Variants in ZBTB16 observed in about 807,000 individuals in gnomAD.
ZBTB16 encodes zinc finger and BTB domain containing 16, also known as zinc finger and BTB domain-containing protein 16.
A neutral mutation model predicts 56.8 loss-of-function variants in ZBTB16; 8 were observed. The observed-to-expected ratio is 0.14, with a 90% CI of 0.08 to 0.25. The LOEUF is 0.25. ZBTB16 is among the 10% of genes least tolerant of loss of function. ZBTB16 has a pLI of 1.00. For synonymous variants in ZBTB16, 363 were observed against 368.5 expected, an observed-to-expected ratio of 0.98 and a Z score of 0.17; for missense variants, 625 against 903.0, an observed-to-expected ratio of 0.69 and a Z score of 3.95.
intron 4 of ZBTB16, among the ~76,000 whole-genome samples, chr11:114,222,565 T>C (rs370838121): frequency 1.3e-4 from 20 of 152,240 alleles, no homozygotes; most frequent in Middle Eastern, 3.4e-3. Flanking sequence ...CGAGGACACC[T>C]GGCATTGTAT....
chr11:114,080,313 A>G (rs567525800), intron 2 of ZBTB16, among the ~76,000 whole-genome samples: 3 of 152,220 alleles, frequency 2.0e-5, no homozygotes, highest in East Asian at 1.9e-4. Flanking sequence ...TTTCCTCTCC[A>G]TTGAACCAAC....
chr11:114,201,654 A>T (rs1229913548), intron 4 of ZBTB16, among the ~76,000 whole-genome samples: 1 of 152,218 alleles, frequency 6.6e-6, no homozygotes, highest in Admixed American at 6.5e-5. Context: ...GATGTCCATG[A>T]TGTTTTGCAT....
intron 2 of ZBTB16, among the ~76,000 whole-genome samples, chr11:114,114,495 G>A (rs1565632512): frequency 6.6e-6 from 1 of 152,202 alleles, no homozygotes; most frequent in Non-Finnish European, 1.5e-5. Context: ...GGAGATGACT[G>A]AAGGCATAGT....
At chr11:114,082,116 C>A (rs115748049) in intron 2 of ZBTB16, among the ~76,000 whole-genome samples, 97,305 of 138,350 alleles carry the variant, frequency 0.7, 33,929 homozygotes, top group South Asian at 0.8. Context: ...ACGATCTTTA[C>A]AAAAAAAAAA....
At chr11:114,235,716 C>G (rs1285823887) in intron 4 of ZBTB16, among the ~76,000 whole-genome samples, 5 of 106,404 alleles carry the variant, frequency 4.7e-5, no homozygotes, top group Admixed American at 3.2e-4. Context: ...TTCTTTCTTT[C>G]TTTTTCTTTC....
intron 4 of ZBTB16, among the ~76,000 whole-genome samples, chr11:114,198,655 C>A (rs578070259): frequency 6.6e-6 from 1 of 152,206 alleles, no homozygotes; most frequent in Non-Finnish European, 1.5e-5. Flanking sequence ...ACTGTACCCC[C>A]GTCCTCACAC....
chr11:114,064,571 A>G lies in ZBTB16; in HGVS notation c.1268+3A>G, dbSNP rs1245809282. On this transcript the variant is annotated splice_donor_region_variant and intron_variant, in intron 2 of 6. Coordinates refer to ENST00000335953, the MANE Select transcript of ZBTB16 (RefSeq NM_006006.6). The surrounding 1 kb of genome is among the most constrained non-coding windows in gnomAD (Gnocchi z 4.2). ...AACGAGGCTGTGGAGCAGCACAGGT[A>G]GGCCCCGCTCCAGCCCCGCACCTGA... 1 of 1,613,516 alleles carries G rather than the reference A, an allele frequency of 6.2e-7. No individual in the cohort carries two copies. Among genetic ancestry groups the G allele is most frequent in the East Asian group, 2.2e-5 (1 of 44,876 alleles).
Position 114,064,094 on chromosome 11 carries a change from C to G in ZBTB16, c.794C>G (p.Ser265Ter). ...DSPGAAESSI[S>*]GGMGDKVEER... ...CCTGGGGCAGCCGAGTCCAGCATCT[C>G]AGGAGGGATGGGGGACAAGGTTGAG... is the stretch of plus-strand genomic sequence containing the variant. The change falls in exon 2 of 7, where the codon TCA becomes TGA. Residue 265 changes from serine to a stop codon, truncating the protein, a stop_gained. Coordinates refer to ENST00000335953, the MANE Select transcript of ZBTB16 (RefSeq NM_006006.6). LOFTEE classifies it high-confidence loss of function. The surrounding 1 kb of genome is among the most constrained non-coding windows in gnomAD (Gnocchi z 4.2). 6.2e-7 allele frequency: 1 copy of G among 1,613,856 alleles called. No individual in the cohort carries two copies. The highest frequency in any genetic ancestry group is 1.1e-5 in the South Asian group (1 of 91,078).
rs1175330889 is a variant in ZBTB16, at chr11:114,089,557, G to C, written c.1268+24989G>C. Among the ~76,000 whole-genome samples, 19 of 152,180 alleles carry C rather than the reference G, an allele frequency of 1.2e-4. No homozygotes were observed. The East Asian group carries it at 3.1e-3, about 25-fold the overall frequency. On this transcript the variant is annotated intron_variant, in intron 2 of 6. Coordinates refer to ENST00000335953, the MANE Select transcript of ZBTB16 (RefSeq NM_006006.6). Reference sequence around the variant, plus strand: ...TGTAGAGGGGGCCTCTGATTCCAAAGATGGGGGCAGAATATCAGTCCTCTC... The same window carrying C: ...TGTAGAGGGGGCCTCTGATTCCAAACATGGGGGCAGAATATCAGTCCTCTC...
intron 2 of ZBTB16, among the ~76,000 whole-genome samples, chr11:114,076,634 C>A (rs1396327983): frequency 6.2e-4 from 93 of 149,300 alleles, no homozygotes; most frequent in Non-Finnish European, 1.3e-3. Flanking sequence ...CCACCCCCAC[C>A]CCCGCCCCCT....
chr11:114,169,038 G>C (rs1942878252), intron 3 of ZBTB16, among the ~76,000 whole-genome samples: 1 of 152,032 alleles, frequency 6.6e-6, no homozygotes, highest in African/African-American at 2.4e-5. Flanking sequence ...CCCAGGGAGA[G>C]CTTGACTGTG....
At chr11:114,208,430 A>G (rs1943932274) in intron 4 of ZBTB16, among the ~76,000 whole-genome samples, 1 of 152,186 alleles carries the variant, frequency 6.6e-6, no homozygotes, top group Non-Finnish European at 1.5e-5. Flanking sequence ...CTGAAAAATT[A>G]GGACACCATA....
chr11:114,156,867 T>A lies in ZBTB16; in HGVS notation c.1366+433T>A, dbSNP rs1255926118. On this transcript the variant is annotated intron_variant, in intron 3 of 6. Transcript: ENST00000335953. The stretch of plus-strand genomic sequence containing the variant: ...TGCTGTCTTTTGCAAGTTAATTTTA[T>A]ACAATTCTATTGAGGTCGACTGTGT... 2.0e-5 allele frequency among the ~76,000 whole-genome samples: 3 copies of A among 152,230 alleles called. No homozygotes were observed. The East Asian group carries it at 5.8e-4, about 29-fold the overall frequency.
At chr11:114,094,309 C>T (rs1021831127) in intron 2 of ZBTB16, among the ~76,000 whole-genome samples, 32 of 151,768 alleles carry the variant, frequency 2.1e-4, no homozygotes, top group East Asian at 7.8e-4. Context: ...AGCAAGACTC[C>T]GTCTCAAAAA....
rs1438549913 is a variant in ZBTB16, at chr11:114,253,213, C to G, written c.*2658C>G. 1.3e-5 allele frequency among the ~76,000 whole-genome samples: 2 copies of G among 152,156 alleles called. No individual in the cohort carries two copies. The highest frequency in any genetic ancestry group is 4.8e-5 in the African/African-American group (2 of 41,440). On this transcript the variant is annotated 3_prime_UTR_variant, in exon 7 of 7. Transcript: ENST00000335953. ...GGGGAAGGAAGAGAAAAAAATCAAA[C>G]TATTCCATAGAACTAGCTGGCCCCC...
At chr11:114,075,899 T>C (rs1939543461) in intron 2 of ZBTB16, among the ~76,000 whole-genome samples, 1 of 152,196 alleles carries the variant, frequency 6.6e-6, no homozygotes, top group Non-Finnish European at 1.5e-5. Context: ...CGTTTTCTTT[T>C]GTTTCTCCCA....
At chr11:114,144,212 A>ACACT (rs1942040032) in intron 2 of ZBTB16, among the ~76,000 whole-genome samples, 1 of 145,332 alleles carries the variant, frequency 6.9e-6, no homozygotes, top group Non-Finnish European at 1.5e-5. Flanking sequence ...ACACACACAC[A>ACACT]CTCCCACGCA....
chr11:114,105,369 T>A lies in ZBTB16; in HGVS notation c.1268+40801T>A, dbSNP rs542638200. ...AATTCTCCTGCCTCAGCCTCCCAAG[T>A]AGCTGGGACTACAGGCATTGCCACT... On this transcript the variant is annotated intron_variant, in intron 2 of 6. Coordinates refer to ENST00000335953, the MANE Select transcript of ZBTB16 (RefSeq NM_006006.6). Among the ~76,000 whole-genome samples, 4 of 152,196 alleles carry A rather than the reference T, an allele frequency of 2.6e-5. No individual in the cohort carries two copies. In the East Asian group the frequency reaches 7.7e-4, roughly 29 times the overall value.
At chr11:114,231,025 C>T (rs1944434738) in intron 4 of ZBTB16, among the ~76,000 whole-genome samples, 1 of 152,182 alleles carries the variant, frequency 6.6e-6, no homozygotes, top group Admixed American at 6.5e-5. Context: ...GAACCTACTC[C>T]TGGGCTGCAG....
Sources: gnomAD v4.1 joint callset for allele counts (sites outside exome capture counted in the v4.1 genomes callset) on GRCh38, gnomAD v4.1.1 for gene constraint, Gnocchi (gnomAD v3.1) non-coding constraint, MANE v1.5 for transcripts, NCBI Gene and HGNC (gene_info 2026-07-23, HGNC 2026-07-21) for gene names.